Variants in CSMD1 observed in about 807,000 individuals in gnomAD.
CSMD1 encodes CUB and Sushi multiple domains 1.
Under a neutral mutation model 417.5 loss-of-function variants are expected in CSMD1, and 213 were observed. The ratio of observed to expected loss-of-function variants is 0.51; its 90% CI spans 0.46 to 0.57. The LOEUF (loss-of-function observed/expected upper bound fraction) is 0.57, where lower values mean the gene tolerates loss of function less well. CSMD1 is among the 20% of genes least tolerant of loss of function. CSMD1 has a pLI of 0.00. For synonymous variants in CSMD1, 2,862 were observed against 1,736.8 expected (o/e 1.65, Z -16.11); for missense variants, 6,923 against 4,529.7 (o/e 1.53, Z -15.17).
At chr8:3,554,972 G>A (rs142731789) in intron 10 of CSMD1, among the ~76,000 whole-genome samples, 25 of 152,162 alleles carry the variant, frequency 1.6e-4, no homozygotes, top group African/African-American at 5.3e-4. Flanking sequence ...AGACACCTGG[G>A]CTCTTGTCAG....
intron 31 of CSMD1, among the ~76,000 whole-genome samples, chr8:3,203,769 C>T (rs1453142963): frequency 6.6e-6 from 1 of 152,180 alleles, no homozygotes; most frequent in African/African-American, 2.4e-5. Context: ...AGAAAGAATT[C>T]TTGGCTATGC....
In CSMD1 at chr8:2,979,164, T is replaced by C. The variant is rs565909624; in HGVS notation, c.8378-364A>G. ...TTTAAATATTTTTACTCAAGTGTGG[T>C]GTTTTAGAACAGTCTGTGGCACACC... is the stretch of plus-strand genomic sequence containing the variant. On this transcript the variant is annotated intron_variant, in intron 54 of 69. Transcript: ENST00000635120. 2.6e-5 allele frequency among the ~76,000 whole-genome samples: 4 copies of C among 152,366 alleles called. No homozygotes were observed. In the South Asian group the frequency reaches 8.3e-4, roughly 32 times the overall value.
intron 2 of CSMD1, among the ~76,000 whole-genome samples, chr8:4,531,164 T>C (rs967865446): frequency 6.6e-6 from 1 of 152,228 alleles, no homozygotes; most frequent in African/African-American, 2.4e-5. Context: ...TTGTAGGATC[T>C]GTCACCAAAT....
At chr8:4,255,600 T>G (rs1260406459) in intron 3 of CSMD1, among the ~76,000 whole-genome samples, 1 of 152,236 alleles carries the variant, frequency 6.6e-6, no homozygotes, top group African/African-American at 2.4e-5. Flanking sequence ...TGCATAAAGT[T>G]GATTATACTT....
At chr8:3,811,314 C>T (rs997611508) in intron 5 of CSMD1, among the ~76,000 whole-genome samples, 4 of 152,164 alleles carry the variant, frequency 2.6e-5, no homozygotes. Context: ...CTGCTATAAC[C>T]TTCACACTGT....
intron 17 of CSMD1, among the ~76,000 whole-genome samples, chr8:3,388,663 T>C (rs1811156448): frequency 6.6e-6 from 1 of 152,194 alleles, no homozygotes; most frequent in Non-Finnish European, 1.5e-5. Flanking sequence ...CCCCAATACT[T>C]TTTTCTTAAA....
intron 10 of CSMD1, among the ~76,000 whole-genome samples, chr8:3,537,366 T>C (rs371326502): frequency 6.6e-6 from 1 of 152,236 alleles, no homozygotes; most frequent in African/African-American, 2.4e-5. Flanking sequence ...TGTTGTTTAG[T>C]GTACTTTTTT....
At chr8:3,621,966 TC>T (rs1423540183) in intron 7 of CSMD1, among the ~76,000 whole-genome samples, 1 of 110,664 alleles carries the variant, frequency 9.0e-6, no homozygotes, top group Non-Finnish European at 1.9e-5. Context: ...GTCTTATGTC[TC>T]TCTCTCTCTT....
chr8:4,391,352 G>A (rs766065506), intron 3 of CSMD1, among the ~76,000 whole-genome samples: 3 of 152,094 alleles, frequency 2.0e-5, no homozygotes, highest in Admixed American at 6.6e-5. Context: ...GCTGAGCTAT[G>A]GACTTGCTTT....
intron 36 of CSMD1, chr8:3,182,841 GGTGTGTGT>G (rs1554454770): frequency 0.023 from 264 of 11,452 alleles, 2 homozygotes; most frequent in East Asian, 0.042. Context: ...TTTATAAGAA[GGTGTGTGT>G]GTGTGTGTGT....
At position 3,400,618 on chromosome 8, in the gene CSMD1, G is replaced by C. The variant is rs1399285810; in HGVS notation, c.2267-1089C>G. On this transcript the variant is annotated intron_variant, in intron 15 of 69. Transcript: ENST00000635120. ...GGCAAATATATTTGAAGTAACGTTT[G>C]GAAATTTTGTTGATATGGGAAAATC... 2.0e-5 allele frequency among the ~76,000 whole-genome samples: 3 copies of C among 151,846 alleles called. No homozygotes were observed. The South Asian group carries it at 6.2e-4, about 31-fold the overall frequency.
rs115793103 is a variant in CSMD1 at position 3,065,232 on chromosome 8, G to C, written c.7475-12585C>G. Among the ~76,000 whole-genome samples the C allele has an allele frequency of 2.0e-5, 3 of 152,156 alleles. No homozygotes were observed. In the East Asian group the frequency reaches 5.8e-4, roughly 29 times the overall value. On this transcript the variant is annotated intron_variant, in intron 49 of 69. Transcript: ENST00000635120. The stretch of plus-strand genomic sequence containing the variant: ...TGATAGATAAATGACAGATGATAGA[G>C]TAGATAGAAAGATAGGAACATACAC...
chr8:4,711,170 A>C (rs995413688), intron 1 of CSMD1, among the ~76,000 whole-genome samples: 1 of 151,214 alleles, frequency 6.6e-6, no homozygotes, highest in Non-Finnish European at 1.5e-5. Context: ...AAAAAAAAAA[A>C]CCATGATCCT....
chr8:3,454,002 T>C (rs2117119065), intron 12 of CSMD1, among the ~76,000 whole-genome samples: 1 of 152,282 alleles, frequency 6.6e-6, no homozygotes, highest in South Asian at 2.1e-4. Flanking sequence ...GCTCCTGTAT[T>C]GGGTGCATAT....
intron 2 of CSMD1, among the ~76,000 whole-genome samples, chr8:4,474,027 G>C (rs1369390284): frequency 1.3e-5 from 2 of 152,062 alleles, no homozygotes; most frequent in Non-Finnish European, 2.9e-5. Context: ...CATTAAATAA[G>C]AGATACTATC....
intron 26 of CSMD1, among the ~76,000 whole-genome samples, chr8:3,255,709 C>G (rs1014196366): frequency 5.3e-5 from 8 of 152,158 alleles, no homozygotes; most frequent in African/African-American, 1.9e-4. Context: ...TTGCTAAGCC[C>G]ATTGGGAAAG....
intron 7 of CSMD1, among the ~76,000 whole-genome samples, chr8:3,620,769 C>T (rs1402802177): frequency 6.6e-6 from 1 of 152,070 alleles, no homozygotes; most frequent in African/African-American, 2.4e-5. Flanking sequence ...TGCTGAAAGA[C>T]ATATGAAAAT....
intron 3 of CSMD1, among the ~76,000 whole-genome samples, chr8:4,090,121 A>G (rs1168504993): frequency 6.6e-6 from 1 of 152,218 alleles, no homozygotes; most frequent in Non-Finnish European, 1.5e-5. Flanking sequence ...TTAACTCTGG[A>G]AGCTCATCAT....
At chr8:3,752,366 A>G (rs1343639063) in intron 6 of CSMD1, among the ~76,000 whole-genome samples, 1 of 152,008 alleles carries the variant, frequency 6.6e-6, no homozygotes, top group African/African-American at 2.4e-5. Context: ...TCTAAAATAT[A>G]TTTTGGCGCT....
Sources: allele counts gnomAD v4.1 joint callset (sites outside exome capture counted in the v4.1 genomes callset), GRCh38; gene constraint gnomAD v4.1.1; transcripts MANE v1.5; gene names NCBI Gene and HGNC (gene_info 2026-07-23, HGNC 2026-07-21).